SEPTIN7: variants seen among roughly 807,000 people sequenced by gnomAD.
SEPTIN7 encodes septin 7, also known as septin-7.
A neutral mutation model predicts 63.3 loss-of-function variants in SEPTIN7; 10 were observed. The observed-to-expected ratio is 0.16, with a 90% CI of 0.10 to 0.27. The LOEUF is 0.27. Ranked by LOEUF, SEPTIN7 falls within the 10% of genes least tolerant of loss-of-function variation. The pLI is 1.00. For missense variants in SEPTIN7, 310 were observed against 521.0 expected, an observed-to-expected ratio of 0.59 and a Z score of 3.94; for synonymous variants, 131 against 165.3, an observed-to-expected ratio of 0.79 and a Z score of 1.59.
At chr7:35,838,813 G>A (rs933287674) in intron 3 of SEPTIN7, among the ~76,000 whole-genome samples, 10 of 152,202 alleles carry the variant, frequency 6.6e-5, no homozygotes, top group East Asian at 1.9e-4. Context: ...TCTTAAATCC[G>A]TATGGTTTTT....
intron 3 of SEPTIN7, among the ~76,000 whole-genome samples, chr7:35,838,286 T>C (rs868388698): frequency 3.8e-3 from 55 of 14,618 alleles, no homozygotes; most frequent in East Asian, 6.6e-3. Context: ...CCTTCCTTCC[T>C]TCCTTCCTTC....
chr7:35,834,773 C>G (rs1783999416), intron 3 of SEPTIN7, among the ~76,000 whole-genome samples: 1 of 152,104 alleles, frequency 6.6e-6, no homozygotes. Context: ...TAGGCTGACT[C>G]TAACAGCATC....
intron 7 of SEPTIN7, 54 bp from the exon 8 acceptor site, chr7:35,882,430 C>T (rs1008009498): frequency 1.3e-5 from 17 of 1,286,208 alleles, no homozygotes; most frequent in African/African-American, 3.1e-5. Flanking sequence ...GAACATAAGA[C>T]TAATATACTA....
Position 35,832,851 on chromosome 7 carries a change from A to G in SEPTIN7, c.120A>G (p.Val40=). 1 of 1,612,072 alleles carries G rather than the reference A, an allele frequency of 6.2e-7. No individual in the cohort carries two copies. Among genetic ancestry groups the G allele is most frequent in the East Asian group, 2.2e-5 (1 of 44,796 alleles). Reference sequence around the variant, plus strand: ...GATTTGCCAATCTCCCAAATCAAGTATACAGAAAATCGGTGAAGAGAGGTT... The same window carrying G: ...GATTTGCCAATCTCCCAAATCAAGTGTACAGAAAATCGGTGAAGAGAGGTT... ...YVGFANLPNQ[V]YRKSVKRGFE... Residue 40 remains valine, a synonymous_variant, in exon 3 of 14, where the codon GTA becomes GTG. Coordinates refer to ENST00000350320, the MANE Select transcript of SEPTIN7 (RefSeq NM_001788.6).
intron 3 of SEPTIN7, among the ~76,000 whole-genome samples, chr7:35,839,730 T>G (rs561689727): frequency 6.6e-6 from 1 of 152,138 alleles, no homozygotes; most frequent in African/African-American, 2.4e-5. Flanking sequence ...AATTTTTGTA[T>G]TTTTAGTAGA....
At position 35,848,803 on chromosome 7, in the gene SEPTIN7, A is replaced by G. The variant is rs191493967; in HGVS notation, c.170-14749A>G. ...AGTAGGCAGTAAGGATTTCTCTGGT[A>G]ACATGATGATTTAAAAATGTAATTG... On this transcript the variant is annotated intron_variant, in intron 3 of 13. Coordinates refer to ENST00000350320, the MANE Select transcript of SEPTIN7 (RefSeq NM_001788.6). Among the ~76,000 whole-genome samples the G allele has an allele frequency of 1.6e-4, 25 of 152,330 alleles. No homozygotes were observed. The East Asian group carries it at 3.5e-3, about 21-fold the overall frequency.
In SEPTIN7 at chr7:35,801,222, G is replaced by T; in HGVS notation, c.13G>T (p.Ala5Ser). Residue 5 changes from alanine to serine, a missense_variant, in exon 1 of 14, where the codon GCG (alanine) becomes TCG (serine). Ala to Ser is a moderately conservative substitution (Grantham distance 99). This residue lies in a region of SEPTIN7 where 55 missense variants were observed against 30.5 expected (regional missense o/e 1.80). Transcript: ENST00000350320. MSVS[A>S]RSAAAEERSV... Reference sequence around the variant, plus strand: ...AGGGGGGGAGGGGATGTCGGTCAGTGCGAGATCCGCTGCTGCTGAGGAGAG... The same window carrying T: ...AGGGGGGGAGGGGATGTCGGTCAGTTCGAGATCCGCTGCTGCTGAGGAGAG... 1 of 1,533,168 alleles carries T rather than the reference G, an allele frequency of 6.5e-7. No individual in the cohort carries two copies. The highest frequency in any genetic ancestry group is 1.2e-5 in the South Asian group (1 of 81,968). The allele number at this position is 1,533,168 out of a possible 1,614,324, so 95.0% of individuals were successfully genotyped here. A position where few individuals can be genotyped will look rare whatever the true frequency, so the allele number is the denominator to read the frequency against.
intron 1 of SEPTIN7, among the ~76,000 whole-genome samples, chr7:35,827,517 G>T (rs1179195871): frequency 1.3e-5 from 2 of 152,072 alleles, no homozygotes; most frequent in Non-Finnish European, 2.9e-5. Context: ...TTGAGACAGA[G>T]TCTTGCTCTG....
intron 1 of SEPTIN7, among the ~76,000 whole-genome samples, chr7:35,821,760 G>A (rs1789423427): frequency 6.6e-6 from 1 of 152,048 alleles, no homozygotes; most frequent in South Asian, 2.1e-4. Flanking sequence ...CCAGTACTGG[G>A]CACTAGTACT....
intron 1 of SEPTIN7, among the ~76,000 whole-genome samples, chr7:35,816,313 A>G (rs1309362608): frequency 2.0e-5 from 3 of 152,292 alleles, no homozygotes; most frequent in East Asian, 3.9e-4. Context: ...GACATTTTAT[A>G]TAAATGAGAT....
chr7:35,804,835 G>GTTTTTTTTTTTT (rs57782019), intron 1 of SEPTIN7, among the ~76,000 whole-genome samples: 4 of 123,308 alleles, frequency 3.2e-5, no homozygotes, highest in South Asian at 2.7e-4. Context: ...TTCTTTTTTT[G>GTTTTTTTTTTTT]TTTTTTTTTT....
chr7:35,816,594 A>T (rs1430678420), intron 1 of SEPTIN7, among the ~76,000 whole-genome samples: 1 of 152,182 alleles, frequency 6.6e-6, no homozygotes, highest in African/African-American at 2.4e-5. Context: ...TATATACCTA[A>T]GGATAGAATT....
In SEPTIN7 at chr7:35,801,250, G is replaced by T. The variant is rs768520445; in HGVS notation, c.41G>T (p.Ser14Ile). 5 of 1,532,122 alleles carry T rather than the reference G, an allele frequency of 3.3e-6. No homozygotes were observed. Among genetic ancestry groups the T allele is most frequent in the African/African-American group, 2.8e-5 (2 of 70,408 alleles). The allele number at this position is 1,532,122 out of a possible 1,614,324, so 94.9% of individuals were successfully genotyped here. A position where few individuals can be genotyped will look rare whatever the true frequency, so the allele number is the denominator to read the frequency against. ...AGATCCGCTGCTGCTGAGGAGAGGA[G>T]CGTCAACAGCAGCACCATGGGTGAG... The part of the protein sequence containing the change: ...SARSAAAEER[S>I]VNSSTMVAQQ... Residue 14 changes from serine (S) to isoleucine (I), a missense_variant, in exon 1 of 14, where the codon AGC (serine) becomes ATC (isoleucine). Physicochemically the swap from Ser to Ile is moderately radical, Grantham distance 142. Coordinates refer to ENST00000350320, the MANE Select transcript of SEPTIN7 (RefSeq NM_001788.6).
rs116703171 is a variant in SEPTIN7, at chr7:35,892,353, A to G, written c.998+1560A>G. The stretch of plus-strand genomic sequence containing the variant: ...AGGCTTTTTATCTCTTTTGAGCAAA[A>G]TGTTTATTGAGTAACTTTGGCACAA... On this transcript the variant is annotated intron_variant, in intron 11 of 13. Coordinates refer to ENST00000350320, the MANE Select transcript of SEPTIN7 (RefSeq NM_001788.6). 2.6e-3 allele frequency among the ~76,000 whole-genome samples: 403 copies of G among 152,264 alleles called. 2 individuals carry two copies. Among genetic ancestry groups the G allele is most frequent in the African/African-American group, 9.3e-3 (386 of 41,576 alleles).
chr7:35,802,230 A>G (rs774156929), intron 1 of SEPTIN7: 3 of 343,424 alleles, frequency 8.7e-6, no homozygotes, highest in Admixed American at 3.1e-5. Context: ...AGGCCATTTC[A>G]TTTACATTTT....
chr7:35,878,315 G>A (rs184984362), intron 6 of SEPTIN7, among the ~76,000 whole-genome samples: 1 of 152,212 alleles, frequency 6.6e-6, no homozygotes, highest in Non-Finnish European at 1.5e-5. Context: ...TCCAGCTAAG[G>A]TAGTAGCCTG....
intron 3 of SEPTIN7, among the ~76,000 whole-genome samples, chr7:35,850,180 T>G (rs1419896686): frequency 1.3e-5 from 2 of 152,230 alleles, no homozygotes; most frequent in Non-Finnish European, 2.9e-5. Context: ...GAGATGACAC[T>G]AATATGTATT....
chr7:35,863,523 T>G, intron 3 of SEPTIN7, 29 bp from the exon 4 acceptor site: 1 of 1,390,472 alleles, frequency 7.2e-7, no homozygotes, highest in Non-Finnish European at 1.0e-6. Flanking sequence ...TGGGTGAGTT[T>G]AACAGATATT....
At chr7:35,895,733 T>A (rs1787921068) in intron 11 of SEPTIN7, among the ~76,000 whole-genome samples, 1 of 152,132 alleles carries the variant, frequency 6.6e-6, no homozygotes, top group Non-Finnish European at 1.5e-5. Context: ...AAATCACTAA[T>A]TTTTTTTCCT....
Sources: allele counts gnomAD v4.1 joint callset (sites outside exome capture counted in the v4.1 genomes callset), GRCh38; gene constraint gnomAD v4.1.1; regional missense constraint gnomAD v4.1.1; transcripts MANE v1.5; gene names NCBI Gene and HGNC (gene_info 2026-07-23, HGNC 2026-07-21).